The following COG5 variants were observed in gnomAD, a reference collection of about 807,000 sequenced individuals.
The protein encoded by COG5 is conserved oligomeric Golgi complex subunit 5.
COG5 carries 86 observed loss-of-function variants against 110.4 expected under a neutral mutation model. The observed-to-expected ratio is 0.78, with a 90% CI of 0.65 to 0.93. The LOEUF (loss-of-function observed/expected upper bound fraction) is 0.93, where lower values mean the gene tolerates loss of function less well. Among genes scored for constraint, COG5 ranks in the 40% least tolerant of loss-of-function variants. The pLI is 0.00. For missense variants in COG5, 1,077 were observed against 987.0 expected, an observed-to-expected ratio of 1.09 and a Z score of -1.22; for synonymous variants, 360 against 334.6, an observed-to-expected ratio of 1.08 and a Z score of -0.83.
intron 6 of COG5, among the ~76,000 whole-genome samples, chr7:107,487,400 C>T (rs1262873452): frequency 6.6e-6 from 1 of 152,080 alleles, no homozygotes; most frequent in African/African-American, 2.4e-5. Context: ...GGGGGTCTCA[C>T]TATGTTGCCC....
intron 6 of COG5, among the ~76,000 whole-genome samples, chr7:107,483,098 T>A (rs1363668531): frequency 6.6e-6 from 1 of 152,188 alleles, no homozygotes; most frequent in Non-Finnish European, 1.5e-5. Context: ...TTTGTACCAT[T>A]AATGCAATTT....
intron 7 of COG5, among the ~76,000 whole-genome samples, chr7:107,375,824 C>A (rs1814593458): frequency 6.6e-6 from 1 of 151,828 alleles, no homozygotes. Flanking sequence ...TTGAATGTAG[C>A]CCATTTTATT....
At chr7:107,298,070 AAAT>A (rs1270984121) in intron 12 of COG5, 69 bp downstream of exon 12, 10 of 681,224 alleles carry the variant, frequency 1.5e-5, no homozygotes, top group Non-Finnish European at 2.2e-5. Context: ...TTTAAAATAA[AAAT>A]AAAAGATAAA....
At chr7:107,314,874 T>C (rs1484384068) in intron 11 of COG5, among the ~76,000 whole-genome samples, 1 of 152,232 alleles carries the variant, frequency 6.6e-6, no homozygotes, top group African/African-American at 2.4e-5. Flanking sequence ...AGATTTACTT[T>C]CTTCCAAGGT....
chr7:107,457,180 G>C (rs1795714320), intron 6 of COG5, among the ~76,000 whole-genome samples: 1 of 151,148 alleles, frequency 6.6e-6, no homozygotes, highest in African/African-American at 2.5e-5. Context: ...CATGAATAGA[G>C]AGAAATTGTA....
chr7:107,536,535 C>T (rs1030405546), intron 5 of COG5, among the ~76,000 whole-genome samples: 5 of 152,062 alleles, frequency 3.3e-5, no homozygotes, highest in African/African-American at 1.2e-4. Flanking sequence ...GAATAAAATA[C>T]CTAGGAATAC....
chr7:107,319,077 C>T (rs1342804922), intron 11 of COG5, among the ~76,000 whole-genome samples: 2 of 151,194 alleles, frequency 1.3e-5, no homozygotes, highest in African/African-American at 4.8e-5. Flanking sequence ...ATGTCTATGG[C>T]TGTATCTTCT....
intron 6 of COG5, among the ~76,000 whole-genome samples, chr7:107,432,947 CA>C (rs202207930): frequency 3.4e-5 from 5 of 149,232 alleles, no homozygotes; most frequent in African/African-American, 9.8e-5. Flanking sequence ...GATTCCACAC[CA>C]AAAAAAAACT....
chr7:107,419,880 T>A (rs2129072298), intron 6 of COG5, among the ~76,000 whole-genome samples: 1 of 152,296 alleles, frequency 6.6e-6, no homozygotes, highest in East Asian at 1.9e-4. Context: ...GAGTTTATAG[T>A]TTTAAATGGG....
intron 10 of COG5, among the ~76,000 whole-genome samples, chr7:107,360,258 A>G (rs916484984): frequency 3.3e-5 from 5 of 152,254 alleles, no homozygotes; most frequent in African/African-American, 1.2e-4. Context: ...ACTTGTGGGG[A>G]CGATCTGCTT....
In COG5 at chr7:107,258,280, A is replaced by G; in HGVS notation, c.1679T>C (p.Val560Ala). 1.3e-6 allele frequency: 2 copies of G among 1,589,416 alleles called. No individual in the cohort carries two copies. Among genetic ancestry groups the G allele is most frequent in the Non-Finnish European group, 1.7e-6 (2 of 1,157,624 alleles). The change falls in exon 15 of 22, where the codon GTA (valine) becomes GCA (alanine). Residue 560 changes from valine to alanine, a missense_variant. By Grantham distance (64) the Val-to-Ala change is moderately conservative. Transcript: ENST00000297135. ...VNSLYKLHQS[V>A]TKVVSSQSSF... The stretch of plus-strand genomic sequence containing the variant: ...ACTTAATAAAATAGTTACCTTTGTT[A>G]CTGATTGGTGCAACTTATACAATGA...
intron 5 of COG5, among the ~76,000 whole-genome samples, chr7:107,540,673 A>G (rs1417322102): frequency 1.3e-5 from 2 of 151,466 alleles, no homozygotes; most frequent in African/African-American, 4.8e-5. Context: ...AAAAAGTCCA[A>G]CATTATTTAA....
At chr7:107,389,375 A>G (rs1790450094) in intron 7 of COG5, among the ~76,000 whole-genome samples, 1 of 152,178 alleles carries the variant, frequency 6.6e-6, no homozygotes, top group African/African-American at 2.4e-5. Context: ...TAACTCCACT[A>G]TTCTCCCACT....
In COG5 at chr7:107,203,207, TTGGGTTTATGTACCCATAGG is replaced by T. The variant is rs1181685134; in HGVS notation, c.*289_*308del. The T allele has an allele frequency of 7.7e-6, 3 of 390,478 alleles. No individual in the cohort carries two copies. Among genetic ancestry groups the T allele is most frequent in the African/African-American group, 6.2e-5 (3 of 48,654 alleles). The allele number at this position is 390,478 out of a possible 1,614,324, so 24.2% of individuals were successfully genotyped here. ...TATCCCTTTAAAAGAAGTGGGGACT[TTGGGTTTATGTACCCATAGG>T]AGGACTTGGTTATGGATGGGAAAGA... On this transcript the variant is annotated 3_prime_UTR_variant, in exon 22 of 22. Transcript: ENST00000297135.
At chr7:107,396,117 G>C (rs578102192) in intron 7 of COG5, among the ~76,000 whole-genome samples, 1 of 152,100 alleles carries the variant, frequency 6.6e-6, no homozygotes, top group African/African-American at 2.4e-5. Flanking sequence ...TTACACACAC[G>C]TAACACTTTT....
intron 7 of COG5, among the ~76,000 whole-genome samples, chr7:107,379,637 T>G (rs145879158): frequency 0.026 from 3,973 of 150,728 alleles, 182 homozygotes; most frequent in African/African-American, 0.09. Flanking sequence ...AATCCTAGTT[T>G]TTGATAAAAC....
At chr7:107,460,000 A>C (rs1339976693) in intron 6 of COG5, among the ~76,000 whole-genome samples, 1 of 152,140 alleles carries the variant, frequency 6.6e-6, no homozygotes, top group Non-Finnish European at 1.5e-5. Flanking sequence ...AACCTAAACA[A>C]ATTTAAAAGA....
At chr7:107,269,722 A>G (rs1172796782) in intron 14 of COG5, among the ~76,000 whole-genome samples, 1 of 152,152 alleles carries the variant, frequency 6.6e-6, no homozygotes, top group East Asian at 1.9e-4. Context: ...TGTGCTTATT[A>G]TTACTTATTA....
chr7:107,227,845 A>T (rs1800469034), intron 19 of COG5, among the ~76,000 whole-genome samples: 1 of 152,136 alleles, frequency 6.6e-6, no homozygotes, highest in East Asian at 1.9e-4. Flanking sequence ...AGTAGCTGGG[A>T]CTACAGATGT....
Sources: gnomAD v4.1 joint callset for allele counts (sites outside exome capture counted in the v4.1 genomes callset) on GRCh38, gnomAD v4.1.1 for gene constraint, MANE v1.5 for transcripts, NCBI Gene and HGNC (gene_info 2026-07-23, HGNC 2026-07-21) for gene names.